Variants in GLI2 observed in about 807,000 individuals in gnomAD.
The protein encoded by GLI2 is GLI family zinc finger 2.
In GLI2, 22 loss-of-function variants were observed where a neutral mutation model predicts 78.9. That is an observed-to-expected ratio of 0.28 (90% CI 0.20 to 0.40). The LOEUF (loss-of-function observed/expected upper bound fraction) is 0.40, where lower values mean the gene tolerates loss of function less well. Among genes scored for constraint, GLI2 ranks in the 10% least tolerant of loss-of-function variants. GLI2 has a pLI of 1.00. For synonymous variants in GLI2, 974 were observed against 963.7 expected, an observed-to-expected ratio of 1.01 and a Z score of -0.20; for missense variants, 2,097 against 2,213.2, an observed-to-expected ratio of 0.95 and a Z score of 1.05.
rs767227926 is a variant in GLI2 at position 120,955,408 on chromosome 2, C to T, written c.621C>T (p.His207=). Residue 207 remains histidine, a synonymous_variant, in exon 5 of 14, where the codon CAC becomes CAT. Transcript: ENST00000361492. ...SGGAASAPHL[H]DYLNPVDVSR... ...GCGCTGCCAGCGCACCCCATCTCCA[C>T]GACTACCTCAACCCCGTGGACGGTG... 1.6e-5 allele frequency: 25 copies of T among 1,608,780 alleles called. No homozygotes were observed. The highest frequency in any genetic ancestry group is 2.7e-5 in the African/African-American group (2 of 74,808).
rs190048354 is a variant in GLI2, at chr2:120,973,536, C to T, written c.1183-1439C>T. Among the ~76,000 whole-genome samples, 16 of 152,364 alleles carry T rather than the reference C, an allele frequency of 1.1e-4. 1 individual carries two copies. The highest frequency in any genetic ancestry group is 1.0e-3 in the Admixed American group (16 of 15,312). On this transcript the variant is annotated intron_variant, in intron 8 of 13. Coordinates refer to ENST00000361492, the MANE Select transcript of GLI2 (RefSeq NM_001374353.1). ...GATTCACTGACCAAGGACTCCCTGA[C>T]TCATTTGTAAGGTGGATGGCTGACT...
intron 1 of GLI2, among the ~76,000 whole-genome samples, chr2:120,787,852 T>G (rs1684040878): frequency 6.6e-6 from 1 of 152,146 alleles, no homozygotes; most frequent in South Asian, 2.1e-4. Context: ...AATAGGAATT[T>G]AGAACCGAGT....
chr2:120,754,932 A>G (rs936095435), intron 1 of GLI2, among the ~76,000 whole-genome samples: 1 of 151,262 alleles, frequency 6.6e-6, no homozygotes, highest in Non-Finnish European at 1.5e-5. Flanking sequence ...GGCTCACTGC[A>G]GTCTCCGCCT....
At chr2:120,815,810 G>C (rs1214892169) in intron 2 of GLI2, among the ~76,000 whole-genome samples, 1 of 152,218 alleles carries the variant, frequency 6.6e-6, no homozygotes, top group African/African-American at 2.4e-5. Flanking sequence ...CACGGTCTCT[G>C]CCTCTGGTGC....
intron 1 of GLI2, chr2:120,792,544 C>T (rs1034427315): frequency 6.6e-6 from 1 of 152,266 alleles, no homozygotes; most frequent in Non-Finnish European, 1.5e-5. Context: ...ACACCAACTT[C>T]AGCTCCAAAC....
intron 2 of GLI2, among the ~76,000 whole-genome samples, chr2:120,916,035 AGT>A (rs1466606743): frequency 6.6e-6 from 1 of 152,160 alleles, no homozygotes; most frequent in Non-Finnish European, 1.5e-5. Flanking sequence ...AGCCACAGCA[AGT>A]GTGGAAATGC....
intron 1 of GLI2, among the ~76,000 whole-genome samples, chr2:120,795,347 C>T (rs973662316): frequency 6.6e-6 from 1 of 151,888 alleles, no homozygotes; most frequent in Admixed American, 6.6e-5. Flanking sequence ...CATAGTGAAA[C>T]CCTGTCTCTA....
intron 2 of GLI2, among the ~76,000 whole-genome samples, chr2:120,844,507 ACTG>A (rs1449509738): frequency 6.6e-6 from 1 of 152,148 alleles, no homozygotes; most frequent in African/African-American, 2.4e-5. Context: ...CAGAAGACCA[ACTG>A]CTAACTGACT....
At chr2:120,758,150 A>G (rs1418425559) in intron 1 of GLI2, among the ~76,000 whole-genome samples, 1 of 152,202 alleles carries the variant, frequency 6.6e-6, no homozygotes, top group Non-Finnish European at 1.5e-5. Flanking sequence ...TGACAGGGGC[A>G]GGGACATCTC....
At chr2:120,928,195 A>T (rs1047018228) in intron 3 of GLI2, among the ~76,000 whole-genome samples, 65 of 151,848 alleles carry the variant, frequency 4.3e-4, no homozygotes, top group African/African-American at 1.4e-3. Flanking sequence ...GCTCTTACAA[A>T]GGTCAGCCAG....
chr2:120,960,221 C>G (rs1190856586), intron 5 of GLI2, among the ~76,000 whole-genome samples: 1 of 152,194 alleles, frequency 6.6e-6, no homozygotes, highest in African/African-American at 2.4e-5. Flanking sequence ...TGGGCGGGAC[C>G]AAGAATGCCT....
chr2:120,888,337 G>C (rs921336068), intron 2 of GLI2, among the ~76,000 whole-genome samples: 1 of 152,206 alleles, frequency 6.6e-6, no homozygotes, highest in African/African-American at 2.4e-5. Flanking sequence ...ATTTTCCTGG[G>C]ACATCTGTGA....
chr2:120,842,324 A>G lies in GLI2; in HGVS notation c.148+44856A>G, dbSNP rs139226498. Among the ~76,000 whole-genome samples, 843 of 152,276 alleles carry G rather than the reference A, an allele frequency of 5.5e-3. 5 individuals carry two copies. The highest frequency in any genetic ancestry group is 0.019 in the African/African-American group (791 of 41,554). ...TAAATTTACACACATACATACATAT[A>G]TATGTTTTTTAATGCAATTGTCAGC... On this transcript the variant is annotated intron_variant, in intron 2 of 13. Transcript: ENST00000361492.
intron 3 of GLI2, among the ~76,000 whole-genome samples, chr2:120,939,482 C>A (rs947684438): frequency 6.6e-6 from 1 of 152,126 alleles, no homozygotes; most frequent in Non-Finnish European, 1.5e-5. Flanking sequence ...CATCTTATGA[C>A]GGTTTTACCT....
chr2:120,963,499 G>A (rs923592197), intron 5 of GLI2, among the ~76,000 whole-genome samples: 1 of 152,078 alleles, frequency 6.6e-6, no homozygotes, highest in Non-Finnish European at 1.5e-5. Context: ...CACCTGGGGT[G>A]TGTGTCTCCA....
At position 120,983,318 on chromosome 2, in the gene GLI2, G is replaced by A. The variant is rs532300745; in HGVS notation, c.1632+438G>A. ...CTCCCCATCCTCTAGATGAGGAAAC[G>A]AAGACTCAGAGATGAAGTGACTTTC... On this transcript the variant is annotated intron_variant, in intron 11 of 13. Coordinates refer to ENST00000361492, the MANE Select transcript of GLI2 (RefSeq NM_001374353.1). Among the ~76,000 whole-genome samples, 9 of 152,230 alleles carry A rather than the reference G, an allele frequency of 5.9e-5. No homozygotes were observed. In the South Asian group the frequency reaches 8.3e-4, roughly 14 times the overall value.
intron 2 of GLI2, chr2:120,867,355 C>T (rs1043695676): frequency 6.6e-6 from 1 of 152,364 alleles, no homozygotes; most frequent in Non-Finnish European, 1.5e-5. Flanking sequence ...GTGGCTGGAT[C>T]CCCGAGTCCA....
intron 7 of GLI2, among the ~76,000 whole-genome samples, chr2:120,971,003 G>T (rs193232893): frequency 6.6e-6 from 1 of 152,180 alleles, no homozygotes; most frequent in Non-Finnish European, 1.5e-5. Flanking sequence ...CCCTTCCAAC[G>T]GGCCTTGAGC....
chr2:120,812,420 A>T (rs1274357803), intron 2 of GLI2, among the ~76,000 whole-genome samples: 1 of 152,136 alleles, frequency 6.6e-6, no homozygotes, highest in Non-Finnish European at 1.5e-5. Flanking sequence ...TCACGGGGGA[A>T]TGATGAGGAC....
Sources: allele counts gnomAD v4.1 joint callset (sites outside exome capture counted in the v4.1 genomes callset), GRCh38; gene constraint gnomAD v4.1.1; transcripts MANE v1.5; gene names NCBI Gene and HGNC (gene_info 2026-07-23, HGNC 2026-07-21).